Variants in GALNT18 observed in about 807,000 individuals in gnomAD.
GALNT18 encodes polypeptide N-acetylgalactosaminyltransferase 18, also known as GalNAc-transferase 18.
In GALNT18, 44 loss-of-function variants were observed where a neutral mutation model predicts 69.5. The observed-to-expected ratio is 0.63, with a 90% CI of 0.50 to 0.81. GALNT18 has a LOEUF of 0.81. GALNT18 is among the 40% of genes least tolerant of loss of function. The pLI, the probability that GALNT18 is intolerant of heterozygous loss-of-function variation, is 0.00. For missense variants in GALNT18, 715 were observed against 810.0 expected (o/e 0.88, Z 1.42); for synonymous variants, 364 against 318.2 (o/e 1.14, Z -1.53).
In GALNT18 at chr11:11,614,323, G is replaced by T. The variant is rs1449296659; in HGVS notation, c.235+7036C>A. Among the ~76,000 whole-genome samples, 3 of 151,702 alleles carry T rather than the reference G, an allele frequency of 2.0e-5. No individual in the cohort carries two copies. Among genetic ancestry groups the T allele is most frequent in the African/African-American group, 7.3e-5 (3 of 41,182 alleles). On this transcript the variant is annotated intron_variant, in intron 1 of 10. Coordinates refer to ENST00000227756, the MANE Select transcript of GALNT18 (RefSeq NM_198516.3). This position sits in a 1 kb window ranked among gnomAD's most constrained non-coding sequence, Gnocchi z 5.6. ...AGGTATGTCACATAGTGAGAGAGGG[G>T]TGAGAGAGAGAGGCAAGAGAGTGAG... is the stretch of plus-strand genomic sequence containing the variant.
chr11:11,601,238 G>C lies in GALNT18; in HGVS notation c.235+20121C>G, dbSNP rs979900570. Among the ~76,000 whole-genome samples, 5 of 152,146 alleles carry C rather than the reference G, an allele frequency of 3.3e-5. No individual in the cohort carries two copies. The highest frequency in any genetic ancestry group is 1.2e-4 in the African/African-American group (5 of 41,426). ...CTATATTTTAGACACTTTGAATACTGATTAATCCCCCACCCAAGGACTTCT... is the reference window on the plus strand; with the variant it reads ...CTATATTTTAGACACTTTGAATACTCATTAATCCCCCACCCAAGGACTTCT... On this transcript the variant is annotated intron_variant, in intron 1 of 10. Coordinates refer to ENST00000227756, the MANE Select transcript of GALNT18 (RefSeq NM_198516.3). This position sits in a 1 kb window ranked among gnomAD's most constrained non-coding sequence, Gnocchi z 4.0.
At chr11:11,482,104 G>A (rs1189963256) in intron 1 of GALNT18, among the ~76,000 whole-genome samples, 2 of 152,182 alleles carry the variant, frequency 1.3e-5, no homozygotes, top group South Asian at 4.1e-4. Flanking sequence ...CAGGGCTGAG[G>A]CCCATAGCAG....
At position 11,598,648 on chromosome 11, in the gene GALNT18, T is replaced by C. The variant is rs181438672; in HGVS notation, c.235+22711A>G. On this transcript the variant is annotated intron_variant, in intron 1 of 10. Coordinates refer to ENST00000227756, the MANE Select transcript of GALNT18 (RefSeq NM_198516.3). This position sits in a 1 kb window ranked among gnomAD's most constrained non-coding sequence, Gnocchi z 4.8. ...TTTACCAGTCCCAGGGATTGGAACA[T>C]GGATATCTTTTGGAGAAACTTTTGT... Among the ~76,000 whole-genome samples the C allele has an allele frequency of 1.1e-4, 17 of 152,350 alleles. No homozygotes were observed. The highest frequency in any genetic ancestry group is 3.6e-4 in the African/African-American group (15 of 41,586).
chr11:11,450,527 A>T (rs1230480441), intron 1 of GALNT18, among the ~76,000 whole-genome samples: 3 of 152,230 alleles, frequency 2.0e-5, no homozygotes, highest in African/African-American at 7.2e-5. Context: ...GGACTTAGCA[A>T]GCTCACGATC....
intron 10 of GALNT18, among the ~76,000 whole-genome samples, chr11:11,290,746 G>T (rs1006270501): frequency 1.3e-5 from 2 of 152,012 alleles, no homozygotes; most frequent in South Asian, 4.1e-4. Flanking sequence ...TTCCTGCATG[G>T]TTCCATTCGT....
At chr11:11,520,953 G>T (rs904998312) in intron 1 of GALNT18, among the ~76,000 whole-genome samples, 2 of 152,058 alleles carry the variant, frequency 1.3e-5, no homozygotes, top group South Asian at 2.1e-4. Flanking sequence ...AGGGTCCACC[G>T]TAGGGAGCCT....
Position 11,395,612 on chromosome 11 carries a change from C to A in GALNT18, c.596-16348G>T, listed in dbSNP as rs1431713498. On this transcript the variant is annotated intron_variant, in intron 3 of 10. Coordinates refer to ENST00000227756, the MANE Select transcript of GALNT18 (RefSeq NM_198516.3). ...GATGTGTGGCAAATAGAAGTGGCCACTGCACTTGAAGGGGAGGTGAATGAA... is the reference window on the plus strand; with the variant it reads ...GATGTGTGGCAAATAGAAGTGGCCAATGCACTTGAAGGGGAGGTGAATGAA... Among the ~76,000 whole-genome samples the A allele has an allele frequency of 5.3e-5, 8 of 152,296 alleles. No individual in the cohort carries two copies. In the East Asian group the frequency reaches 1.5e-3, roughly 29 times the overall value.
rs951950604 is a variant in GALNT18 at position 11,372,264 on chromosome 11, T to G, written c.1092+251A>C. On this transcript the variant is annotated intron_variant, in intron 6 of 10. Transcript: ENST00000227756. The surrounding 1 kb of genome is among the most constrained non-coding windows in gnomAD (Gnocchi z 4.9). ...TCAGTTTGATTTTAAAAGAGGCTGT[T>G]CCCTTGAGTTGGCAGCTTAACCTCT... is the stretch of plus-strand genomic sequence containing the variant. Among the ~76,000 whole-genome samples the G allele has an allele frequency of 1.3e-5, 2 of 152,126 alleles. No homozygotes were observed. The highest frequency in any genetic ancestry group is 1.3e-4 in the Admixed American group (2 of 15,268).
intron 1 of GALNT18, among the ~76,000 whole-genome samples, chr11:11,574,539 G>A (rs1003198858): frequency 5.3e-5 from 8 of 152,134 alleles, no homozygotes; most frequent in African/African-American, 1.9e-4. Flanking sequence ...TTCTAGCTTG[G>A]GCTTTCATCC....
intron 1 of GALNT18, among the ~76,000 whole-genome samples, chr11:11,533,782 G>A (rs780844782): frequency 6.6e-5 from 10 of 152,158 alleles, no homozygotes; most frequent in Non-Finnish European, 1.5e-4. Flanking sequence ...TGTGTATCTG[G>A]TATTTTCTCC....
At chr11:11,335,894 T>C (rs907241327) in intron 7 of GALNT18, among the ~76,000 whole-genome samples, 1 of 152,206 alleles carries the variant, frequency 6.6e-6, no homozygotes, top group African/African-American at 2.4e-5. Context: ...ACAGCTCTGC[T>C]GGCACCTGAA....
chr11:11,458,479 A>C (rs1259522447), intron 1 of GALNT18, among the ~76,000 whole-genome samples: 3 of 152,210 alleles, frequency 2.0e-5, no homozygotes, highest in Non-Finnish European at 2.9e-5. Flanking sequence ...GGGCTAATTG[A>C]ATGTTCAGAA....
intron 1 of GALNT18, among the ~76,000 whole-genome samples, chr11:11,504,470 G>A (rs1857031294): frequency 6.6e-6 from 1 of 152,006 alleles, no homozygotes; most frequent in Non-Finnish European, 1.5e-5. Context: ...AATAAATCAG[G>A]TCATCACCGG....
At position 11,463,140 on chromosome 11, in the gene GALNT18, T is replaced by C. The variant is rs1411272645; in HGVS notation, c.236-14204A>G. 6.6e-6 allele frequency among the ~76,000 whole-genome samples: 1 copy of C among 151,732 alleles called. No homozygotes were observed. The highest frequency in any genetic ancestry group is 1.5e-5 in the Non-Finnish European group (1 of 67,948). ...TACAGTCTCCCACAAGAGAACAGGGTTCCTGCTTCCCTCAGTTATCACTGG... is the reference window on the plus strand; with the variant it reads ...TACAGTCTCCCACAAGAGAACAGGGCTCCTGCTTCCCTCAGTTATCACTGG... On this transcript the variant is annotated intron_variant, in intron 1 of 10. Transcript: ENST00000227756. The surrounding 1 kb of genome is among the most constrained non-coding windows in gnomAD (Gnocchi z 4.2).
rs997917865 is a variant in GALNT18 at position 11,613,534 on chromosome 11, G to A, written c.235+7825C>T. Among the ~76,000 whole-genome samples the A allele has an allele frequency of 2.0e-5, 3 of 152,206 alleles. No individual in the cohort carries two copies. Among genetic ancestry groups the A allele is most frequent in the Non-Finnish European group, 4.4e-5 (3 of 68,034 alleles). ...TTAGGAGGTGCATCCTCCTAGCCCT[G>A]CCCTAGGGCACATGCCTTGTATGTA... On this transcript the variant is annotated intron_variant, in intron 1 of 10. Coordinates refer to ENST00000227756, the MANE Select transcript of GALNT18 (RefSeq NM_198516.3). This position sits in a 1 kb window ranked among gnomAD's most constrained non-coding sequence, Gnocchi z 4.2.
chr11:11,385,748 G>A (rs928388015), intron 3 of GALNT18, among the ~76,000 whole-genome samples: 6 of 152,258 alleles, frequency 3.9e-5, no homozygotes, highest in Admixed American at 3.9e-4. Flanking sequence ...CCCCATGGGT[G>A]AACTGAATTT....
intron 2 of GALNT18, among the ~76,000 whole-genome samples, chr11:11,447,675 G>C (rs557787931): frequency 2.6e-5 from 4 of 152,338 alleles, no homozygotes; most frequent in African/African-American, 9.6e-5. Flanking sequence ...GAGAGAATGA[G>C]AGCCAGCAGG....
In GALNT18 at chr11:11,617,762, A is replaced by G. The variant is rs1414286810; in HGVS notation, c.235+3597T>C. ...ACTGAATTTCCAAAATAAGAACTGAATCAACATTTCCATTTCCTGCACTCT... is the reference window on the plus strand; with the variant it reads ...ACTGAATTTCCAAAATAAGAACTGAGTCAACATTTCCATTTCCTGCACTCT... On this transcript the variant is annotated intron_variant, in intron 1 of 10. Coordinates refer to ENST00000227756, the MANE Select transcript of GALNT18 (RefSeq NM_198516.3). The surrounding 1 kb of genome is among the most constrained non-coding windows in gnomAD (Gnocchi z 4.7). Among the ~76,000 whole-genome samples the G allele has an allele frequency of 6.6e-6, 1 of 152,184 alleles. No homozygotes were observed. Among genetic ancestry groups the G allele is most frequent in the African/African-American group, 2.4e-5 (1 of 41,454 alleles).
At chr11:11,355,120 C>A (rs1354514989) in intron 6 of GALNT18, among the ~76,000 whole-genome samples, 1 of 152,138 alleles carries the variant, frequency 6.6e-6, no homozygotes, top group African/African-American at 2.4e-5. Flanking sequence ...TCCGTATTGC[C>A]CTCCAATCCA....
Sources: gnomAD v4.1 joint callset for allele counts (sites outside exome capture counted in the v4.1 genomes callset) on GRCh38, gnomAD v4.1.1 for gene constraint, Gnocchi (gnomAD v3.1) non-coding constraint, MANE v1.5 for transcripts, NCBI Gene and HGNC (gene_info 2026-07-23, HGNC 2026-07-21) for gene names.